Variants in ZNF398 observed in about 807,000 individuals in gnomAD.
ZNF398 encodes the protein zinc finger DNA binding protein ZER6.
A neutral mutation model predicts 41.9 loss-of-function variants in ZNF398; 18 were observed. The observed-to-expected ratio is 0.43, with a 90% CI of 0.30 to 0.64. The LOEUF is 0.64. Ranked by LOEUF, ZNF398 falls within the 30% of genes least tolerant of loss-of-function variation. The probability of loss-of-function intolerance (pLI) is 0.14; values close to 1 mark genes in which losing one functional copy is unlikely to be tolerated. For synonymous variants in ZNF398, 260 were observed against 308.8 expected (o/e 0.84, Z 1.66); for missense variants, 669 against 822.8 (o/e 0.81, Z 2.29).
intron 3 of ZNF398, among the ~76,000 whole-genome samples, chr7:149,166,608 G>A (rs1186186889): frequency 1.3e-5 from 2 of 152,150 alleles, no homozygotes; most frequent in Non-Finnish European, 2.9e-5. Flanking sequence ...CCTAGCACAT[G>A]TGCTTTCCCC....
At chr7:149,175,259 T>G (rs757738) in intron 4 of ZNF398, among the ~76,000 whole-genome samples, 81,631 of 151,836 alleles carry the variant, frequency 0.54, 25,425 homozygotes, top group East Asian at 0.9. Flanking sequence ...AGGCTGTGTT[T>G]GAGAAATAAC....
chr7:149,156,993 A>T (rs1794994364), intron 2 of ZNF398, among the ~76,000 whole-genome samples: 1 of 152,162 alleles, frequency 6.6e-6, no homozygotes, highest in Non-Finnish European at 1.5e-5. Context: ...TCACATAGTT[A>T]ATATAAATAA....
intron 1 of ZNF398, among the ~76,000 whole-genome samples, chr7:149,153,431 T>A (rs1180038284): frequency 6.6e-6 from 1 of 152,226 alleles, no homozygotes; most frequent in Non-Finnish European, 1.5e-5. Context: ...TGTTCTGCCT[T>A]CTGTTTTGTA....
intron 1 of ZNF398, among the ~76,000 whole-genome samples, chr7:149,126,874 G>T (rs1282949650): frequency 6.6e-6 from 1 of 152,182 alleles, no homozygotes; most frequent in Non-Finnish European, 1.5e-5. Flanking sequence ...CACCACGTCC[G>T]GTCCCCGTGG....
chr7:149,144,366 A>G (rs542861852), upstream of ZNF398, among the ~76,000 whole-genome samples: 2 of 152,258 alleles, frequency 1.3e-5, no homozygotes, highest in African/African-American at 4.8e-5. Context: ...GCTGGAGTGC[A>G]GTGGTATTAT....
At chr7:149,163,627 G>A (rs1795161209) in intron 2 of ZNF398, among the ~76,000 whole-genome samples, 1 of 151,970 alleles carries the variant, frequency 6.6e-6, no homozygotes, top group African/African-American at 2.4e-5. Context: ...ACCGCGCCCG[G>A]CCAAGCCCAG....
chr7:149,165,349 T>G (rs1795205261), intron 2 of ZNF398, among the ~76,000 whole-genome samples: 1 of 152,176 alleles, frequency 6.6e-6, no homozygotes, highest in Non-Finnish European at 1.5e-5. Flanking sequence ...AAGCATATGC[T>G]TCATGAATGT....
intron 1 of ZNF398, chr7:149,148,126 C>A (rs1203259214): frequency 7.7e-6 from 2 of 258,512 alleles, no homozygotes; most frequent in East Asian, 1.3e-4. Flanking sequence ...GCCATTCTCG[C>A]GGCCGCGGGA....
At chr7:149,172,593 C>T (rs1795370511) in intron 4 of ZNF398, among the ~76,000 whole-genome samples, 1 of 152,166 alleles carries the variant, frequency 6.6e-6, no homozygotes, top group South Asian at 2.1e-4. Flanking sequence ...AAGGAAGTTA[C>T]ATGCTGAGGT....
intron 4 of ZNF398, among the ~76,000 whole-genome samples, chr7:149,169,952 A>T (rs1795297748): frequency 1.3e-5 from 2 of 152,210 alleles, no homozygotes; most frequent in Admixed American, 1.3e-4. Flanking sequence ...GAAACCAGGG[A>T]CAGGCTTCCC....
upstream of ZNF398, among the ~76,000 whole-genome samples, chr7:149,143,894 AT>A (rs1164144261): frequency 1.3e-5 from 2 of 152,286 alleles, no homozygotes; most frequent in East Asian, 3.9e-4. Context: ...TTTTAGGACA[AT>A]TTTTTTCTCT....
intron 1 of ZNF398, chr7:149,148,003 A>G: frequency 2.5e-6 from 1 of 402,418 alleles, no homozygotes; most frequent in South Asian, 1.1e-4. Flanking sequence ...ACTCGCAGGC[A>G]GCTATGAGAC....
chr7:149,146,434 A>G (rs180956980), upstream of ZNF398, among the ~76,000 whole-genome samples: 7 of 152,318 alleles, frequency 4.6e-5, no homozygotes, highest in African/African-American at 1.7e-4. Context: ...CTGTAGTCCA[A>G]GATGCTCGGG....
chr7:149,169,040 G>A (rs572061955), intron 4 of ZNF398, among the ~76,000 whole-genome samples: 27 of 152,276 alleles, frequency 1.8e-4, no homozygotes, highest in Middle Eastern at 3.4e-3. Context: ...TTAGTTATCT[G>A]TCATAGACCT....
Position 149,154,181 on chromosome 7 carries a change from G to C in ZNF398, c.261G>C (p.Glu87Asp), listed in dbSNP as rs3801979. ...CCAGCTGTGAAAAGACAGTTACCGA[G>C]CTTGGGAACCAGCTGGAGGGCAAGT... ...KLASCEKTVTELGNQLEGKWA... is the reference protein window; with the variant it reads ...KLASCEKTVTDLGNQLEGKWA... The change falls in exon 2 of 6, where the codon GAG (glutamate) becomes GAC (aspartate). Residue 87 changes from glutamate to aspartate, a missense_variant. Glu to Asp is a conservative substitution (Grantham distance 45, BLOSUM62 2). Transcript: ENST00000475153. 0.073 allele frequency: 117,954 copies of C among 1,614,090 alleles called. 4,441 individuals are homozygous for C. Among genetic ancestry groups the C allele is most frequent in the African/African-American group, 0.079 (5,893 of 75,022 alleles).
intron 1 of ZNF398, among the ~76,000 whole-genome samples, chr7:149,127,548 C>CAAAAAAAAAA (rs61080328): frequency 7.1e-4 from 53 of 74,800 alleles, no homozygotes; most frequent in African/African-American, 1.3e-3. Context: ...ACTAAAAATA[C>CAAAAAAAAAA]AAAAAAAAAA....
chr7:149,162,588 C>T lies in ZNF398; in HGVS notation c.421-3570C>T, dbSNP rs377413094. ...CAAGTGATGCTCCTGCCTTGGCCTCCCAAAGTGCTGAGATTACAGGCATGA... is the reference window on the plus strand; with the variant it reads ...CAAGTGATGCTCCTGCCTTGGCCTCTCAAAGTGCTGAGATTACAGGCATGA... On this transcript the variant is annotated intron_variant, in intron 2 of 5. Coordinates refer to ENST00000475153, the MANE Select transcript of ZNF398 (RefSeq NM_170686.3). Among the ~76,000 whole-genome samples the T allele has an allele frequency of 4.9e-4, 75 of 152,192 alleles. 1 individual carries two copies. The South Asian group carries it at 0.015, about 31-fold the overall frequency.
chr7:149,159,402 C>T (rs1217511312), intron 2 of ZNF398, among the ~76,000 whole-genome samples: 2 of 151,800 alleles, frequency 1.3e-5, no homozygotes, highest in Non-Finnish European at 2.9e-5. Context: ...AATCCCAGTA[C>T]TTTGGGAGGC....
At chr7:149,171,069 C>T (rs531331361) in intron 4 of ZNF398, among the ~76,000 whole-genome samples, 5 of 149,064 alleles carry the variant, frequency 3.4e-5, no homozygotes, top group East Asian at 2.0e-4. Flanking sequence ...AGGATGGTCT[C>T]GATCTGCTGA....
Sources: allele counts gnomAD v4.1 joint callset (sites outside exome capture counted in the v4.1 genomes callset), GRCh38; gene constraint gnomAD v4.1.1; transcripts MANE v1.5; gene names NCBI Gene and HGNC (gene_info 2026-07-23, HGNC 2026-07-21).